The following LRRC4C variants were observed in gnomAD, a reference collection of about 807,000 sequenced individuals.
LRRC4C encodes leucine rich repeat containing 4C, also known as leucine-rich repeat-containing protein 4C.
LRRC4C carries 5 observed loss-of-function variants against 33.6 expected under a neutral mutation model. That is an observed-to-expected ratio of 0.15 (90% CI 0.08 to 0.31). The LOEUF (loss-of-function observed/expected upper bound fraction) is 0.31, where lower values mean the gene tolerates loss of function less well. LRRC4C is among the 10% of genes least tolerant of loss of function. The probability of loss-of-function intolerance (pLI) is 1.00; values close to 1 mark genes in which losing one functional copy is unlikely to be tolerated. For missense variants in LRRC4C, 560 were observed against 796.7 expected, an observed-to-expected ratio of 0.70 and a Z score of 3.58; for synonymous variants, 329 against 302.0, an observed-to-expected ratio of 1.09 and a Z score of -0.93.
intron 1 of LRRC4C, among the ~76,000 whole-genome samples, chr11:41,431,928 A>G (rs1955251505): frequency 6.6e-6 from 1 of 152,112 alleles, no homozygotes; most frequent in Non-Finnish European, 1.5e-5. Flanking sequence ...AGTTACAGAG[A>G]CATCTAGTGG....
intron 2 of LRRC4C, among the ~76,000 whole-genome samples, chr11:40,856,191 A>G (rs1406207374): frequency 6.6e-6 from 1 of 152,178 alleles, no homozygotes; most frequent in Admixed American, 6.6e-5. Context: ...CATAAAGTCT[A>G]TAGGGTGTGA....
chr11:41,082,804 C>A (rs549236065), intron 1 of LRRC4C, among the ~76,000 whole-genome samples: 2 of 152,046 alleles, frequency 1.3e-5, no homozygotes, highest in South Asian at 4.2e-4. Flanking sequence ...CCCCTTTGAC[C>A]TATTGTTTAT....
chr11:41,103,129 C>T (rs902736835), intron 1 of LRRC4C, among the ~76,000 whole-genome samples: 3 of 151,866 alleles, frequency 2.0e-5, no homozygotes, highest in African/African-American at 7.2e-5. Context: ...GACAACATGG[C>T]CTGTTCCTTA....
intron 1 of LRRC4C, among the ~76,000 whole-genome samples, chr11:41,425,735 C>T (rs978301789): frequency 2.6e-5 from 4 of 152,066 alleles, no homozygotes; most frequent in African/African-American, 7.2e-5. Flanking sequence ...AGTATCATAA[C>T]GAAGGGATTT....
intron 2 of LRRC4C, among the ~76,000 whole-genome samples, chr11:40,878,982 T>C (rs1955043447): frequency 6.6e-6 from 1 of 152,198 alleles, no homozygotes; most frequent in African/African-American, 2.4e-5. Flanking sequence ...ACAGTGAGTG[T>C]TGATTCTTCT....
chr11:40,627,350 T>A (rs1963053015), intron 3 of LRRC4C, among the ~76,000 whole-genome samples: 1 of 151,946 alleles, frequency 6.6e-6, no homozygotes, highest in Admixed American at 6.6e-5. Context: ...TGTTGAAACA[T>A]CAATTATGAT....
intron 1 of LRRC4C, among the ~76,000 whole-genome samples, chr11:41,330,132 T>A (rs1033450909): frequency 6.6e-6 from 1 of 152,174 alleles, no homozygotes; most frequent in Admixed American, 6.5e-5. Context: ...ATGCAACACA[T>A]CTGTATCAGT....
At position 40,115,840 on chromosome 11, in the gene LRRC4C, C is replaced by T. The variant is rs748823305; in HGVS notation, c.453G>A (p.Lys151=). ...NGAFVYLSKL[K]ELWLRNNPIE... The stretch of plus-strand genomic sequence containing the variant: ...TGGGGTTGTTTCGCAACCAGAGCTC[C>T]TTCAGTTTAGACAAGTATACAAAAG... The change falls in exon 7 of 7, where the codon AAG becomes AAA. Residue 151 remains lysine (K), a synonymous_variant. Coordinates refer to ENST00000528697, the MANE Select transcript of LRRC4C (RefSeq NM_001258419.2). The surrounding 1 kb of genome is among the most constrained non-coding windows in gnomAD (Gnocchi z 6.7). 3.7e-6 allele frequency: 6 copies of T among 1,613,996 alleles called. No homozygotes were observed. The highest frequency in any genetic ancestry group is 1.6e-4 in the Middle Eastern group (1 of 6,084).
intron 3 of LRRC4C, among the ~76,000 whole-genome samples, chr11:40,632,750 C>A (rs1234847048): frequency 6.6e-6 from 1 of 152,102 alleles, no homozygotes; most frequent in African/African-American, 2.4e-5. Flanking sequence ...ATCCAGTGAC[C>A]AAGACGGTAT....
chr11:41,096,066 C>A (rs1940790325), intron 1 of LRRC4C, among the ~76,000 whole-genome samples: 3 of 151,442 alleles, frequency 2.0e-5, no homozygotes, highest in African/African-American at 7.3e-5. Flanking sequence ...GTAGTATGGA[C>A]AAAAAAATAA....
intron 1 of LRRC4C, among the ~76,000 whole-genome samples, chr11:40,955,591 A>T (rs1313613753): frequency 6.6e-6 from 1 of 151,846 alleles, no homozygotes; most frequent in Non-Finnish European, 1.5e-5. Flanking sequence ...TGGGTTCAAG[A>T]TCCTATTTTG....
intron 1 of LRRC4C, among the ~76,000 whole-genome samples, chr11:40,943,939 T>A (rs1458593668): frequency 6.6e-6 from 1 of 152,228 alleles, no homozygotes; most frequent in Non-Finnish European, 1.5e-5. Flanking sequence ...TTAATCCATG[T>A]TCTGGCCCAT....
chr11:40,201,740 A>G (rs372535655), intron 5 of LRRC4C, among the ~76,000 whole-genome samples: 4 of 152,174 alleles, frequency 2.6e-5, no homozygotes, highest in African/African-American at 9.7e-5. Flanking sequence ...TTCTAGAGGG[A>G]GCAGTGATTT....
At chr11:40,289,764 C>G (rs982864560) in intron 4 of LRRC4C, among the ~76,000 whole-genome samples, 1 of 152,182 alleles carries the variant, frequency 6.6e-6, no homozygotes, top group Non-Finnish European at 1.5e-5. Context: ...AGTAGAGTTG[C>G]TGAAATGATT....
chr11:41,376,954 T>C (rs1434071179), intron 1 of LRRC4C, among the ~76,000 whole-genome samples: 1 of 152,126 alleles, frequency 6.6e-6, no homozygotes, highest in Non-Finnish European at 1.5e-5. Context: ...TGGAAAAATG[T>C]TATGAAAGAG....
rs191723685 is a variant in LRRC4C, at chr11:40,701,077, C to T, written c.-406-52799G>A. ...AATATACATCATATGGCTTCACCTC[C>T]CATAAAAGTGTCTAATTAAGATTAA... is the stretch of plus-strand genomic sequence containing the variant. On this transcript the variant is annotated intron_variant, in intron 2 of 6. Coordinates refer to ENST00000528697, the MANE Select transcript of LRRC4C (RefSeq NM_001258419.2). Among the ~76,000 whole-genome samples, 182 of 152,136 alleles carry T rather than the reference C, an allele frequency of 1.2e-3. 1 individual carries two copies. The highest frequency in any genetic ancestry group is 4.3e-3 in the African/African-American group (177 of 41,530).
chr11:40,797,293 G>A (rs569494128), intron 2 of LRRC4C, among the ~76,000 whole-genome samples: 2 of 152,228 alleles, frequency 1.3e-5, no homozygotes, highest in South Asian at 2.1e-4. Context: ...TAGGCAATGA[G>A]CTCAAATGAA....
At chr11:40,199,095 G>C (rs550823658) in intron 5 of LRRC4C, among the ~76,000 whole-genome samples, 2 of 152,240 alleles carry the variant, frequency 1.3e-5, no homozygotes, top group African/African-American at 4.8e-5. Flanking sequence ...TTTTGAGATG[G>C]AGTCTCACTC....
chr11:40,237,426 G>A (rs1865641332), intron 5 of LRRC4C, among the ~76,000 whole-genome samples: 1 of 152,184 alleles, frequency 6.6e-6, no homozygotes, highest in South Asian at 2.1e-4. Context: ...GCATGACTTG[G>A]ACCTCTGATT....
Sources: gnomAD v4.1 joint callset for allele counts (sites outside exome capture counted in the v4.1 genomes callset) on GRCh38, gnomAD v4.1.1 for gene constraint, Gnocchi (gnomAD v3.1) non-coding constraint, MANE v1.5 for transcripts, NCBI Gene and HGNC (gene_info 2026-07-23, HGNC 2026-07-21) for gene names.